The following STPG1 variants were observed in gnomAD, a reference collection of about 807,000 sequenced individuals.
STPG1 encodes sperm tail PG-rich repeat containing 1.
STPG1 carries 33 observed loss-of-function variants against 40.1 expected under a neutral mutation model. The observed-to-expected ratio is 0.82, with a 90% CI of 0.62 to 1.10. The LOEUF (loss-of-function observed/expected upper bound fraction) is 1.10. Among genes scored for constraint, STPG1 ranks in the 50% least tolerant of loss-of-function variants. The pLI is 0.00. For missense variants in STPG1, 396 were observed against 415.1 expected (o/e 0.95, Z 0.40); for synonymous variants, 150 against 155.0 (o/e 0.97, Z 0.24).
rs148922346 is a variant in STPG1 at position 24,379,814 on chromosome 1, A to T, written c.301T>A (p.Leu101Met). ...TCMFPSMCAR[L>M]DTIISKYPAA... Reference sequence around the variant, plus strand: ...GGGTATTTAGAAATGATGGTGTCCAATCGGGCGCACTGTAAGGAGACAACC... The same window carrying T: ...GGGTATTTAGAAATGATGGTGTCCATTCGGGCGCACTGTAAGGAGACAACC... The change falls in exon 5 of 9, where the codon TTG becomes ATG. Residue 101 changes from leucine to methionine, a missense_variant. Coordinates refer to ENST00000337248, the MANE Select transcript of STPG1 (RefSeq NM_001199013.2). The T allele has an allele frequency of 6.8e-4, 1,103 of 1,613,970 alleles. 7 individuals carry two copies. In the African/African-American group the frequency reaches 0.013, roughly 18 times the overall value.
intron 1 of STPG1, among the ~76,000 whole-genome samples, chr1:24,408,191 T>G (rs1244311932): frequency 6.6e-6 from 1 of 152,228 alleles, no homozygotes; most frequent in Admixed American, 6.5e-5. Flanking sequence ...CAGCTTTTAT[T>G]CTGGGAATAA....
chr1:24,368,974 G>C (rs1414995706), intron 7 of STPG1: 1 of 181,384 alleles, frequency 5.5e-6, no homozygotes, highest in Non-Finnish European at 1.2e-5. Context: ...CAAAGTGCTG[G>C]GATTACAGGC....
At chr1:24,384,028 C>A in intron 3 of STPG1, 25 bp from the exon 4 acceptor site, 1 of 1,376,060 alleles carries the variant, frequency 7.3e-7, no homozygotes, top group South Asian at 1.2e-5. Flanking sequence ...AAGGTGGTGT[C>A]ATCGAGATAC....
At chr1:24,393,175 G>T (rs1485806870) in intron 2 of STPG1, among the ~76,000 whole-genome samples, 1 of 152,136 alleles carries the variant, frequency 6.6e-6, no homozygotes, top group Non-Finnish European at 1.5e-5. Flanking sequence ...TCTGAGCTGT[G>T]CTTCCTCTTC....
chr1:24,386,041 T>C (rs947348461), intron 3 of STPG1, among the ~76,000 whole-genome samples: 2 of 152,246 alleles, frequency 1.3e-5, no homozygotes, highest in African/African-American at 2.4e-5. Flanking sequence ...AGCACTCATA[T>C]GTGTCTGAGG....
chr1:24,389,852 A>G (rs1642685948), intron 3 of STPG1, among the ~76,000 whole-genome samples: 1 of 152,216 alleles, frequency 6.6e-6, no homozygotes, highest in Non-Finnish European at 1.5e-5. Context: ...CTTTGGAGAA[A>G]ACCTACAAGT....
rs1434863080 is a variant in STPG1 at position 24,384,095 on chromosome 1, G to A, written c.190-92C>T. On this transcript the variant is annotated intron_variant, in intron 3 of 8. Transcript: ENST00000337248. ...ACATCCATTAACACTAAGCCTTACT[G>A]TAATCCCACAGCACAGGCGCTACCA... The A allele has an allele frequency of 6.3e-6, 5 of 794,592 alleles. No homozygotes were observed. The Admixed American group carries it at 9.3e-5, about 15-fold the overall frequency. 49.2% of individuals were successfully genotyped at this position (794,592 alleles called of 1,614,324 possible).
At chr1:24,380,489 A>G (rs1275024241) in intron 4 of STPG1, among the ~76,000 whole-genome samples, 4 of 152,230 alleles carry the variant, frequency 2.6e-5, no homozygotes, top group African/African-American at 9.6e-5. Context: ...ACTTTCCCCT[A>G]AGATAGCATG....
At chr1:24,411,525 T>TC (rs1364152866) in intron 1 of STPG1, 1 of 152,216 alleles carries the variant, frequency 6.6e-6, no homozygotes, top group Non-Finnish European at 1.5e-5. Context: ...TACTGCAACC[T>TC]CAAACTCCTA....
At chr1:24,386,985 G>C (rs1008736604) in intron 3 of STPG1, among the ~76,000 whole-genome samples, 2 of 150,954 alleles carry the variant, frequency 1.3e-5, no homozygotes, top group Non-Finnish European at 3.0e-5. Flanking sequence ...GAACAGCGCC[G>C]ATGCGGCCCG....
intron 5 of STPG1, chr1:24,379,436 C>A: frequency 3.6e-6 from 2 of 556,348 alleles, no homozygotes; most frequent in Non-Finnish European, 6.4e-6. Flanking sequence ...CTCCCCACAG[C>A]TTGATACTGG....
Position 24,369,803 on chromosome 1 carries a change from G to A in STPG1, c.608C>T (p.Ser203Leu), listed in dbSNP as rs200979044. ...AAAACAAGACATTAATGTATTTGGCGACTGCTTCACAAGGGATTCGTTGAT... is the reference window on the plus strand; with the variant it reads ...AAAACAAGACATTAATGTATTTGGCAACTGCTTCACAAGGGATTCGTTGAT... ...YDINESLVKQ[S>L]PNTLMSCFKS... Residue 203 changes from serine (S) to leucine (L), a missense_variant, in exon 7 of 9, where the codon TCG becomes TTG. By Grantham distance (145) the Ser-to-Leu change is moderately radical. Coordinates refer to ENST00000337248, the MANE Select transcript of STPG1 (RefSeq NM_001199013.2). 237 of 1,611,644 alleles carry A rather than the reference G, an allele frequency of 1.5e-4. No individual in the cohort carries two copies. Among genetic ancestry groups the A allele is most frequent in the African/African-American group, 1.5e-4 (11 of 74,988 alleles).
chr1:24,386,840 A>G (rs1437807994), intron 3 of STPG1, among the ~76,000 whole-genome samples: 1 of 152,178 alleles, frequency 6.6e-6, no homozygotes, highest in Non-Finnish European at 1.5e-5. Flanking sequence ...TAAACAAACA[A>G]AACAAAAACA....
rs116109289 is a variant in STPG1, at chr1:24,399,599, G to C, written c.70+1720C>G. 0.028 allele frequency among the ~76,000 whole-genome samples: 4,259 copies of C among 152,094 alleles called. 189 individuals are homozygous for C. Among genetic ancestry groups the C allele is most frequent in the African/African-American group, 0.097 (4,019 of 41,494 alleles). ...AGCACATTGTTAAGAGAGTGAAAAG[G>C]AAAGTCCCAGGATAAGGGATGACAT... On this transcript the variant is annotated intron_variant, in intron 2 of 8. Coordinates refer to ENST00000337248, the MANE Select transcript of STPG1 (RefSeq NM_001199013.2). This position sits in a 1 kb window ranked among gnomAD's most constrained non-coding sequence, Gnocchi z 4.0.
intron 7 of STPG1, among the ~76,000 whole-genome samples, chr1:24,361,783 A>G (rs2148676747): frequency 6.6e-6 from 1 of 152,302 alleles, no homozygotes; most frequent in South Asian, 2.1e-4. Context: ...GAAATGAAAG[A>G]CCGGACCTGT....
chr1:24,364,445 C>T (rs1013067741), intron 7 of STPG1: 1 of 1,441,532 alleles, frequency 6.9e-7, no homozygotes, highest in Admixed American at 2.9e-5. Context: ...GAGTATGTGG[C>T]CCCTGAATAC....
At chr1:24,379,965 G>T in intron 4 of STPG1, 142 bp from the exon 5 acceptor site, 1 of 813,370 alleles carries the variant, frequency 1.2e-6, no homozygotes, top group Non-Finnish European at 1.9e-6. Context: ...ATGATAAACT[G>T]ACCTCAGGCT....
chr1:24,393,798 C>A (rs1273810132), intron 2 of STPG1, among the ~76,000 whole-genome samples: 1 of 152,160 alleles, frequency 6.6e-6, no homozygotes, highest in African/African-American at 2.4e-5. Context: ...GGACATCAGG[C>A]AACAAAGGAC....
intron 3 of STPG1, among the ~76,000 whole-genome samples, chr1:24,384,502 A>G (rs376853351): frequency 3.9e-5 from 6 of 152,178 alleles, no homozygotes; most frequent in Non-Finnish European, 8.8e-5. Flanking sequence ...ACAACCTTCA[A>G]CCCAAACCAG....
Sources: gnomAD v4.1 joint callset for allele counts (sites outside exome capture counted in the v4.1 genomes callset) on GRCh38, gnomAD v4.1.1 for gene constraint, Gnocchi (gnomAD v3.1) non-coding constraint, MANE v1.5 for transcripts, NCBI Gene and HGNC (gene_info 2026-07-23, HGNC 2026-07-21) for gene names.